Variants in RHBDD1 observed in about 807,000 individuals in gnomAD.
RHBDD1 encodes rhomboid-related protein 4.
In RHBDD1, 38 loss-of-function variants were observed where a neutral mutation model predicts 36.3. That is an observed-to-expected ratio of 1.05 (90% CI 0.81 to 1.37). The LOEUF is 1.37. Among genes scored for constraint, RHBDD1 ranks in the 40% most tolerant of loss-of-function variants. The probability of loss-of-function intolerance (pLI) is 0.00; values close to 1 mark genes in which losing one functional copy is unlikely to be tolerated. For synonymous variants in RHBDD1, 151 were observed against 136.5 expected (o/e 1.11, Z -0.74); for missense variants, 393 against 377.6 (o/e 1.04, Z -0.34).
intron 8 of RHBDD1, among the ~76,000 whole-genome samples, chr2:226,947,895 A>G (rs1402806668): frequency 3.9e-5 from 6 of 152,334 alleles, no homozygotes; most frequent in Non-Finnish European, 5.9e-5. Flanking sequence ...TAGAATGGCA[A>G]TCATTACAAA....
At chr2:226,963,794 T>A (rs1952409652) in intron 8 of RHBDD1, among the ~76,000 whole-genome samples, 1 of 151,886 alleles carries the variant, frequency 6.6e-6, no homozygotes, top group South Asian at 2.1e-4. Context: ...CACATTAACC[T>A]CTCAACTATC....
At chr2:226,888,688 G>A (rs1574968105) in intron 5 of RHBDD1, among the ~76,000 whole-genome samples, 1 of 152,138 alleles carries the variant, frequency 6.6e-6, no homozygotes, top group East Asian at 1.9e-4. Context: ...ATAGTACTGT[G>A]TACATTTCTT....
At chr2:226,829,805 TAG>T in the RHBDD1 span, among the ~76,000 whole-genome samples, 3 of 152,220 alleles carry the variant, frequency 2.0e-5, no homozygotes, top group Admixed American at 6.5e-5. Context: ...GATCTGTGAA[TAG>T]AGTTTCACTT....
Position 226,924,653 on chromosome 2 carries a change from T to C in RHBDD1, c.856+10302T>C, listed in dbSNP as rs1056086227. ...TTTATTTAGGACCCCAGAGCACTTT[T>C]GCCCATGGTGTCAGGGCCTGATGGA... On this transcript the variant is annotated intron_variant, in intron 8 of 8. Coordinates refer to ENST00000392062, the MANE Select transcript of RHBDD1 (RefSeq NM_001167608.3). 2.6e-5 allele frequency among the ~76,000 whole-genome samples: 4 copies of C among 152,332 alleles called. No individual in the cohort carries two copies. In the East Asian group the frequency reaches 7.7e-4, roughly 29 times the overall value.
intron 5 of RHBDD1, among the ~76,000 whole-genome samples, chr2:226,896,073 T>C (rs1344203727): frequency 6.6e-6 from 1 of 152,244 alleles, no homozygotes; most frequent in Non-Finnish European, 1.5e-5. Context: ...TGTATAAATA[T>C]GTAACATTAT....
chr2:226,977,295 T>C (rs1189178821), intron 8 of RHBDD1, among the ~76,000 whole-genome samples: 1 of 152,128 alleles, frequency 6.6e-6, no homozygotes, highest in Non-Finnish European at 1.5e-5. Flanking sequence ...TGCCGCCTCC[T>C]TTTTTTCTGT....
intron 5 of RHBDD1, chr2:226,895,561 T>C (rs1947035369): frequency 2.2e-6 from 1 of 461,676 alleles, no homozygotes; most frequent in African/African-American, 2.1e-5. Context: ...CTTTAACCTC[T>C]GTGCCCAATT....
At chr2:226,808,035 T>C in the RHBDD1 span, among the ~76,000 whole-genome samples, 1 of 151,630 alleles carries the variant, frequency 6.6e-6, no homozygotes, top group African/African-American at 2.4e-5. Context: ...AGAGACACTC[T>C]GGAAGCTCTG....
chr2:226,852,478 T>C (rs564208906), intron 3 of RHBDD1, among the ~76,000 whole-genome samples: 1 of 152,158 alleles, frequency 6.6e-6, no homozygotes, highest in South Asian at 2.1e-4. Flanking sequence ...CCTTATGAAA[T>C]GGACCCCAGA....
chr2:226,822,563 G>GGCTGAGGTCGCAATGAGCCGA, the RHBDD1 span, among the ~76,000 whole-genome samples: 2 of 151,292 alleles, frequency 1.3e-5, no homozygotes, highest in Non-Finnish European at 2.9e-5. Flanking sequence ...TGAACTGGTG[G>GGCTGAGGTCGCAATGAGCCGA]GCTGAGGTCG....
rs1055808896 is a variant in RHBDD1, at chr2:226,996,468, G to C, written c.*946G>C. On this transcript the variant is annotated 3_prime_UTR_variant, in exon 9 of 9. Coordinates refer to ENST00000392062, the MANE Select transcript of RHBDD1 (RefSeq NM_001167608.3). ...CCACGTTACAATCCACAGATTGTCT[G>C]TCTGAGTCGTTTAAGGCATTTCCTG... The C allele has an allele frequency of 7.2e-5, 11 of 152,258 alleles. No individual in the cohort carries two copies. Among genetic ancestry groups the C allele is most frequent in the African/African-American group, 2.7e-4 (11 of 41,470 alleles). The allele number at this position is 152,258 out of a possible 1,614,324, so 9.4% of individuals were successfully genotyped here.
At chr2:226,912,312 T>G (rs1948574516) in intron 7 of RHBDD1, among the ~76,000 whole-genome samples, 1 of 152,152 alleles carries the variant, frequency 6.6e-6, no homozygotes, top group Admixed American at 6.5e-5. Flanking sequence ...CTCAGATAGT[T>G]AAACAGAATC....
At chr2:226,975,333 G>T (rs148679022) in intron 8 of RHBDD1, among the ~76,000 whole-genome samples, 1 of 152,132 alleles carries the variant, frequency 6.6e-6, no homozygotes, top group East Asian at 1.9e-4. Context: ...TCATCACGTT[G>T]TACACCTTAA....
At chr2:226,855,630 T>C (rs1332753699) in intron 3 of RHBDD1, among the ~76,000 whole-genome samples, 3 of 152,232 alleles carry the variant, frequency 2.0e-5, no homozygotes, top group Non-Finnish European at 2.9e-5. Context: ...GTTATAACAA[T>C]AAAGTGTATG....
intron 3 of RHBDD1, among the ~76,000 whole-genome samples, chr2:226,850,256 T>A (rs1452900420): frequency 6.6e-6 from 1 of 152,184 alleles, no homozygotes; most frequent in Non-Finnish European, 1.5e-5. Context: ...TAACCACCTC[T>A]TGGCACTTGA....
chr2:226,839,989 A>G (rs1441428510), intron 3 of RHBDD1, among the ~76,000 whole-genome samples: 1 of 152,234 alleles, frequency 6.6e-6, no homozygotes, highest in East Asian at 1.9e-4. Flanking sequence ...ATATTTATAT[A>G]GTAAAGTGTT....
At chr2:226,813,879 G>A in the RHBDD1 span, among the ~76,000 whole-genome samples, 3 of 152,110 alleles carry the variant, frequency 2.0e-5, no homozygotes, top group Non-Finnish European at 2.9e-5. Flanking sequence ...TATGGTGGTG[G>A]GGATTACAAA....
chr2:226,973,021 T>C (rs1222251375), intron 8 of RHBDD1, among the ~76,000 whole-genome samples: 2 of 152,104 alleles, frequency 1.3e-5, no homozygotes, highest in African/African-American at 4.8e-5. Flanking sequence ...AGGCCTGGAC[T>C]TCAAAGTAGA....
intron 8 of RHBDD1, among the ~76,000 whole-genome samples, chr2:226,942,288 G>T (rs1334752431): frequency 1.3e-5 from 2 of 151,450 alleles, no homozygotes; most frequent in Admixed American, 6.6e-5. Flanking sequence ...ACCCAGGCTG[G>T]AGTGCAGTGG....
Sources: gnomAD v4.1 joint callset for allele counts (sites outside exome capture counted in the v4.1 genomes callset) on GRCh38, gnomAD v4.1.1 for gene constraint, MANE v1.5 for transcripts, NCBI Gene and HGNC (gene_info 2026-07-23, HGNC 2026-07-21) for gene names.